PRKN: variants seen among roughly 807,000 people sequenced by gnomAD.
PRKN encodes the protein parkin RBR E3 ubiquitin protein ligase, also known as E3 ubiquitin-protein ligase parkin.
Under a neutral mutation model 59.5 loss-of-function variants are expected in PRKN, and 56 were observed. The observed-to-expected ratio is 0.94, with a 90% CI of 0.76 to 1.18. PRKN has a LOEUF of 1.18. Ranked by LOEUF, PRKN falls within the 50% of genes most tolerant of loss-of-function variation. PRKN has a pLI of 0.00. For synonymous variants in PRKN, 250 were observed against 222.1 expected (o/e 1.13, Z -1.12); for missense variants, 657 against 596.4 (o/e 1.10, Z -1.06).
In PRKN at chr6:161,422,244, G is replaced by A. The variant is rs190222094; in HGVS notation, c.1084-35367C>T. ...GATGGAGTCTCACTCTGTTGCCCAC[G>A]CTGGAGTGCAGTGGCATGATCTCGG... On this transcript the variant is annotated intron_variant, in intron 9 of 11. Coordinates refer to ENST00000366898, the MANE Select transcript of PRKN (RefSeq NM_004562.3). 3.5e-4 allele frequency among the ~76,000 whole-genome samples: 49 copies of A among 138,172 alleles called. 1 individual carries two copies. The highest frequency in any genetic ancestry group is 1.3e-3 in the African/African-American group (45 of 35,944). The allele number at this position is 138,172 out of a possible 152,430, so 90.6% of individuals were successfully genotyped here. A position where few individuals can be genotyped will look rare whatever the true frequency, so the allele number is the denominator to read the frequency against.
intron 6 of PRKN, among the ~76,000 whole-genome samples, chr6:161,885,143 A>C (rs1042196974): frequency 2.0e-5 from 3 of 152,104 alleles, no homozygotes; most frequent in Admixed American, 6.5e-5. Flanking sequence ...ACTAAAAAAA[A>C]AAAAAAAAAG....
intron 3 of PRKN, among the ~76,000 whole-genome samples, chr6:162,241,599 C>T (rs1471340389): frequency 6.6e-6 from 1 of 152,060 alleles, no homozygotes. Flanking sequence ...AACATTGTCA[C>T]TTTAAGTATT....
chr6:161,452,614 T>C (rs1789786054), intron 9 of PRKN, among the ~76,000 whole-genome samples: 1 of 152,228 alleles, frequency 6.6e-6, no homozygotes, highest in Admixed American at 6.5e-5. Context: ...GATGATTAGC[T>C]ACTAAGGAAA....
At chr6:162,366,389 G>GCATA (rs1016347427) in intron 2 of PRKN, among the ~76,000 whole-genome samples, 1 of 151,938 alleles carries the variant, frequency 6.6e-6, no homozygotes, top group African/African-American at 2.4e-5. Context: ...ATTATATGTG[G>GCATA]CATAATAAGA....
At chr6:162,479,851 G>GA (rs575536558) in intron 1 of PRKN, among the ~76,000 whole-genome samples, 78 of 151,772 alleles carry the variant, frequency 5.1e-4, no homozygotes, top group African/African-American at 1.9e-3. Context: ...CAGATCACGA[G>GA]GTCAAGAGAT....
intron 1 of PRKN, among the ~76,000 whole-genome samples, chr6:162,658,894 T>TA: frequency 6.6e-6 from 1 of 152,192 alleles, no homozygotes; most frequent in Admixed American, 6.5e-5. Context: ...GCATGTATTT[T>TA]AAAATGTTAT....
At chr6:161,920,528 T>C (rs150266870) in intron 6 of PRKN, among the ~76,000 whole-genome samples, 13,053 of 151,870 alleles carry the variant, frequency 0.086, 820 homozygotes, top group East Asian at 0.34. Context: ...CAGTGGCTCA[T>C]GCCGGTAATC....
chr6:161,985,940 C>T (rs746522797), intron 5 of PRKN, among the ~76,000 whole-genome samples: 3 of 152,158 alleles, frequency 2.0e-5, no homozygotes, highest in Non-Finnish European at 4.4e-5. Context: ...AGATGTCTTT[C>T]GGCCTCAGTG....
chr6:161,539,649 A>G (rs1010313661), intron 9 of PRKN, among the ~76,000 whole-genome samples: 1 of 152,230 alleles, frequency 6.6e-6, no homozygotes, highest in Non-Finnish European at 1.5e-5. Context: ...CTCAGTCCCT[A>G]AGTAACCATC....
intron 2 of PRKN, among the ~76,000 whole-genome samples, chr6:162,384,652 A>C (rs1012015174): frequency 2.1e-5 from 3 of 145,828 alleles, no homozygotes. Context: ...ATTTGTAAAA[A>C]AAAAAAAAAA....
rs548140920 is a variant in PRKN, at chr6:162,164,208, T to C, written c.534+36923A>G. On this transcript the variant is annotated intron_variant, in intron 4 of 11. Coordinates refer to ENST00000366898, the MANE Select transcript of PRKN (RefSeq NM_004562.3). Reference sequence around the variant, plus strand: ...GTATTTAGCAAAAAAAGGTTTTGAGTGGTCAACCTGTGTATTTGTTTATTT... The same window carrying C: ...GTATTTAGCAAAAAAAGGTTTTGAGCGGTCAACCTGTGTATTTGTTTATTT... Among the ~76,000 whole-genome samples the C allele has an allele frequency of 1.3e-4, 19 of 149,022 alleles. 4 individuals are homozygous for C. In the South Asian group the frequency reaches 3.6e-3, roughly 28 times the overall value.
chr6:162,203,784 C>A (rs1784830125), intron 3 of PRKN, among the ~76,000 whole-genome samples: 1 of 152,080 alleles, frequency 6.6e-6, no homozygotes, highest in Admixed American at 6.5e-5. Context: ...CCTTAAAATC[C>A]TTTCTCTCTC....
intron 6 of PRKN, among the ~76,000 whole-genome samples, chr6:161,854,252 A>G (rs924965031): frequency 2.6e-5 from 4 of 151,978 alleles, no homozygotes; most frequent in African/African-American, 9.7e-5. Flanking sequence ...AAGATTCCAT[A>G]TCAAAAACAA....
At chr6:161,631,224 T>C (rs1190002993) in intron 7 of PRKN, among the ~76,000 whole-genome samples, 1 of 152,234 alleles carries the variant, frequency 6.6e-6, no homozygotes, top group African/African-American at 2.4e-5. Flanking sequence ...CATTGTGGGA[T>C]TCCATAGATA....
At chr6:162,474,421 CTTAA>C (rs1359201999) in intron 1 of PRKN, among the ~76,000 whole-genome samples, 2 of 152,084 alleles carry the variant, frequency 1.3e-5, no homozygotes, top group Admixed American at 1.3e-4. Flanking sequence ...TGTTAGGTTA[CTTAA>C]TTTTTAGCAT....
chr6:162,074,125 T>C (rs897403897), intron 4 of PRKN, among the ~76,000 whole-genome samples: 1 of 143,368 alleles, frequency 7.0e-6, no homozygotes, highest in Non-Finnish European at 1.5e-5. Flanking sequence ...GCCATCCCAT[T>C]ACTGGGTATA....
chr6:162,727,759 T>C lies in PRKN; in HGVS notation c.-91A>G. On this transcript the variant is annotated 5_prime_UTR_variant, in exon 1 of 12. Coordinates refer to ENST00000366898, the MANE Select transcript of PRKN (RefSeq NM_004562.3). Reference sequence around the variant, plus strand: ...CCTCCCACCAGCGGCTCTCCTGGGTTAAATCCTCCAGGCCTCCCCGCCCCC... The same window carrying C: ...CCTCCCACCAGCGGCTCTCCTGGGTCAAATCCTCCAGGCCTCCCCGCCCCC... 1 of 1,366,318 alleles carries C rather than the reference T, an allele frequency of 7.3e-7. No homozygotes were observed. Among genetic ancestry groups the C allele is most frequent in the Non-Finnish European group, 1.0e-6 (1 of 981,428 alleles). 84.6% of individuals were successfully genotyped at this position (1,366,318 alleles called of 1,614,324 possible). A position where few individuals can be genotyped will look rare whatever the true frequency, so the allele number is the denominator to read the frequency against.
chr6:162,642,843 CAAT>C lies in PRKN; in HGVS notation c.7+84816_7+84818del, dbSNP rs1301053664. On this transcript the variant is annotated intron_variant, in intron 1 of 11. Transcript: ENST00000366898. ...CTGTAAGAATATTTTAAGTCTAGTA[CAAT>C]ATTAGGAGATACTCTGAATTTTCTA... Among the ~76,000 whole-genome samples the C allele has an allele frequency of 2.0e-5, 3 of 151,814 alleles. No individual in the cohort carries two copies. The East Asian group carries it at 5.8e-4, about 29-fold the overall frequency.
intron 3 of PRKN, among the ~76,000 whole-genome samples, chr6:162,236,817 A>G (rs1778748248): frequency 6.6e-6 from 1 of 151,226 alleles, no homozygotes; most frequent in Non-Finnish European, 1.5e-5. Context: ...AAAGAGAGAG[A>G]GAGGGACAGA....
Sources: gnomAD v4.1 joint callset for allele counts (sites outside exome capture counted in the v4.1 genomes callset) on GRCh38, gnomAD v4.1.1 for gene constraint, MANE v1.5 for transcripts, NCBI Gene and HGNC (gene_info 2026-07-23, HGNC 2026-07-21) for gene names.